The following SLC37A1 variants were observed in gnomAD, a reference collection of about 807,000 sequenced individuals.
SLC37A1 encodes the protein glucose-6-phosphate exchanger SLC37A1.
A neutral mutation model predicts 75.3 loss-of-function variants in SLC37A1; 49 were observed. That is an observed-to-expected ratio of 0.65 (90% CI 0.52 to 0.83). The LOEUF (loss-of-function observed/expected upper bound fraction) is 0.83. Ranked by LOEUF, SLC37A1 falls within the 40% of genes least tolerant of loss-of-function variation. The pLI is 0.00. For missense variants in SLC37A1, 566 were observed against 695.0 expected (o/e 0.81, Z 2.09); for synonymous variants, 268 against 292.1 (o/e 0.92, Z 0.84).
intron 17 of SLC37A1, among the ~76,000 whole-genome samples, chr21:42,570,480 ATCT>A (rs1431672989): frequency 7.2e-5 from 11 of 152,086 alleles, no homozygotes. Flanking sequence ...CACCCCTCTG[ATCT>A]TCTGTCTTGG....
At chr21:42,557,239 T>C (rs57707626) in intron 10 of SLC37A1, among the ~76,000 whole-genome samples, 4,975 of 152,308 alleles carry the variant, frequency 0.033, 278 homozygotes, top group African/African-American at 0.11. Flanking sequence ...TGAAGTCCTG[T>C]AGCCCTCAGC....
At chr21:42,505,779 A>T (rs2054379239) in intron 2 of SLC37A1, among the ~76,000 whole-genome samples, 1 of 152,240 alleles carries the variant, frequency 6.6e-6, no homozygotes, top group African/African-American at 2.4e-5. Flanking sequence ...TAAAACCAGA[A>T]AATTTCTGAT....
intron 18 of SLC37A1, among the ~76,000 whole-genome samples, chr21:42,577,536 G>A (rs1331889898): frequency 6.6e-6 from 1 of 152,174 alleles, no homozygotes; most frequent in Admixed American, 6.5e-5. Context: ...GAGAGTTCCA[G>A]TACACTGCAG....
At chr21:42,571,382 G>A (rs528056746) in intron 17 of SLC37A1, among the ~76,000 whole-genome samples, 9 of 152,306 alleles carry the variant, frequency 5.9e-5, no homozygotes, top group Non-Finnish European at 8.8e-5. Context: ...AGAGGTTGCC[G>A]TTTCTGTACA....
intron 8 of SLC37A1, 136 bp from the exon 9 acceptor site, chr21:42,546,967 C>T (rs2055423305): frequency 2.0e-6 from 2 of 1,005,982 alleles, no homozygotes; most frequent in Admixed American, 2.0e-5. Context: ...CAAATCCACT[C>T]ATTTAATGTG....
At chr21:42,529,720 A>G (rs998348846) in intron 3 of SLC37A1, among the ~76,000 whole-genome samples, 1 of 152,226 alleles carries the variant, frequency 6.6e-6, no homozygotes, top group Non-Finnish European at 1.5e-5. Flanking sequence ...CACGGAATTC[A>G]GATCGCCAGG....
chr21:42,574,940 A>G (rs746740903), intron 18 of SLC37A1, 25 bp downstream of exon 18: 4 of 1,613,398 alleles, frequency 2.5e-6, no homozygotes, highest in South Asian at 2.2e-5. Context: ...TTTTAGTCCA[A>G]TCCACCTTGA....
chr21:42,576,053 CA>C, intron 18 of SLC37A1: 9 of 723,354 alleles, frequency 1.2e-5, no homozygotes, highest in Non-Finnish European at 1.5e-5. Context: ...AGGAACTCCC[CA>C]GGAGCCAGAA....
In SLC37A1 at chr21:42,563,928, T is replaced by C. The variant is rs184309967; in HGVS notation, c.1135+51T>C. The C allele has an allele frequency of 8.9e-5, 143 of 1,599,316 alleles. No individual in the cohort carries two copies. The African/African-American group carries it at 1.7e-3, about 19-fold the overall frequency. On this transcript the variant is annotated intron_variant, in intron 13 of 19. Transcript: ENST00000352133. ...TGCAACAATAATTTCGCAAGGCGCA[T>C]GATCTCTGAGTTGATTCACTGCTCA...
chr21:42,508,206 G>A (rs749125766), intron 2 of SLC37A1, among the ~76,000 whole-genome samples: 2 of 141,210 alleles, frequency 1.4e-5, no homozygotes, highest in Non-Finnish European at 3.0e-5. Context: ...TCAGCTCACT[G>A]CAAACTCTGC....
intron 2 of SLC37A1, chr21:42,502,818 C>T (rs975606466): frequency 1.3e-5 from 2 of 152,236 alleles, no homozygotes; most frequent in African/African-American, 2.4e-5. Context: ...AAGCACCTCC[C>T]AAGGCCTCCA....
intron 18 of SLC37A1, among the ~76,000 whole-genome samples, chr21:42,579,018 C>T (rs746588342): frequency 1.3e-5 from 2 of 152,124 alleles, no homozygotes; most frequent in Non-Finnish European, 2.9e-5. Flanking sequence ...GCTGATGTCC[C>T]ACTTGGGGAG....
intron 10 of SLC37A1, 82 bp from the exon 11 acceptor site, chr21:42,558,876 A>G (rs1296027974): frequency 6.3e-6 from 10 of 1,585,090 alleles, no homozygotes; most frequent in African/African-American, 1.4e-5. Context: ...CACCCTCGTC[A>G]TTAGGAAGCC....
intron 11 of SLC37A1, among the ~76,000 whole-genome samples, chr21:42,560,630 G>A (rs2055806486): frequency 6.6e-6 from 1 of 152,194 alleles, no homozygotes. Context: ...CTGCAGAGGT[G>A]GACCCTGGAG....
In SLC37A1 at chr21:42,547,485, C is replaced by T. The variant is rs150652405; in HGVS notation, c.768+345C>T. ...CGGGGAAAAACGCACGTGTCAGCTGCCTGCCATCACTTAAGTTGGTGGCTG... is the reference window on the plus strand; with the variant it reads ...CGGGGAAAAACGCACGTGTCAGCTGTCTGCCATCACTTAAGTTGGTGGCTG... On this transcript the variant is annotated intron_variant, in intron 9 of 19. Coordinates refer to ENST00000352133, the MANE Select transcript of SLC37A1 (RefSeq NM_001320537.2). The surrounding 1 kb of genome is among the most constrained non-coding windows in gnomAD (Gnocchi z 6.1). 7.6e-4 allele frequency: 195 copies of T among 255,440 alleles called. No homozygotes were observed. The highest frequency in any genetic ancestry group is 3.6e-3 in the African/African-American group (163 of 44,972). 15.8% of individuals were successfully genotyped at this position (255,440 alleles called of 1,614,324 possible).
At chr21:42,568,639 G>A (rs992488577) in intron 17 of SLC37A1, among the ~76,000 whole-genome samples, 9 of 152,190 alleles carry the variant, frequency 5.9e-5, no homozygotes, top group African/African-American at 1.4e-4. Flanking sequence ...AGAGACGGGC[G>A]TGTGACTAGC....
intron 17 of SLC37A1, among the ~76,000 whole-genome samples, chr21:42,568,918 C>G (rs375225374): frequency 1.3e-5 from 2 of 152,254 alleles, no homozygotes; most frequent in African/African-American, 2.4e-5. Context: ...GCAGGTGGAG[C>G]TGGCAGAGTG....
At chr21:42,501,179 C>T (rs2054337770) in intron 1 of SLC37A1, among the ~76,000 whole-genome samples, 1 of 152,208 alleles carries the variant, frequency 6.6e-6, no homozygotes, top group Non-Finnish European at 1.5e-5. Context: ...TATTATTTTG[C>T]AACAGAGCTG....
intron 11 of SLC37A1, 124 bp downstream of exon 11, chr21:42,559,213 A>G: frequency 7.8e-7 from 1 of 1,277,084 alleles, no homozygotes; most frequent in African/African-American, 1.5e-5. Context: ...ATTCGAATCC[A>G]TAGCCAAAGC....
Sources: allele counts gnomAD v4.1 joint callset (sites outside exome capture counted in the v4.1 genomes callset), GRCh38; gene constraint gnomAD v4.1.1; non-coding constraint Gnocchi (gnomAD v3.1); transcripts MANE v1.5; gene names NCBI Gene and HGNC (gene_info 2026-07-23, HGNC 2026-07-21).